The following PRKAR2A variants were observed in gnomAD, a reference collection of about 807,000 sequenced individuals.
PRKAR2A encodes cAMP-dependent protein kinase type II-alpha regulatory subunit.
A neutral mutation model predicts 51.9 loss-of-function variants in PRKAR2A; 29 were observed. The ratio of observed to expected loss-of-function variants is 0.56; its 90% CI spans 0.42 to 0.76. The LOEUF is 0.76. Ranked by LOEUF, PRKAR2A falls within the 30% of genes least tolerant of loss-of-function variation. The pLI, the probability that PRKAR2A is intolerant of heterozygous loss-of-function variation, is 0.00. For synonymous variants in PRKAR2A, 178 were observed against 186.2 expected, an observed-to-expected ratio of 0.96 and a Z score of 0.36; for missense variants, 445 against 512.1, an observed-to-expected ratio of 0.87 and a Z score of 1.26.
chr3:48,829,833 A>T (rs2083151714), intron 1 of PRKAR2A, among the ~76,000 whole-genome samples: 1 of 107,240 alleles, frequency 9.3e-6, no homozygotes, highest in Non-Finnish European at 1.9e-5. Flanking sequence ...ATACATACAT[A>T]TATATGCGTG....
At chr3:48,836,334 G>A (rs907484614) in intron 1 of PRKAR2A, among the ~76,000 whole-genome samples, 10 of 148,124 alleles carry the variant, frequency 6.8e-5, no homozygotes, top group African/African-American at 2.3e-4. Flanking sequence ...CAGGAGAATC[G>A]CCTGAACCCA....
At chr3:48,803,869 C>T (rs2082628437) in intron 2 of PRKAR2A, among the ~76,000 whole-genome samples, 1 of 152,096 alleles carries the variant, frequency 6.6e-6, no homozygotes, top group Admixed American at 6.6e-5. Context: ...TAGGCTAAAG[C>T]ATGAGAATCA....
chr3:48,806,522 A>C (rs1267718460), intron 2 of PRKAR2A, among the ~76,000 whole-genome samples: 2 of 152,060 alleles, frequency 1.3e-5, no homozygotes, highest in Non-Finnish European at 1.5e-5. Flanking sequence ...ATAAATATTT[A>C]CTGAGTGCCT....
chr3:48,840,728 C>T (rs2083365996), intron 1 of PRKAR2A, among the ~76,000 whole-genome samples: 1 of 149,448 alleles, frequency 6.7e-6, no homozygotes, highest in Admixed American at 6.7e-5. Flanking sequence ...AGGCACCCGC[C>T]ACCACGCCCG....
At chr3:48,825,600 C>T (rs960806652) in intron 1 of PRKAR2A, among the ~76,000 whole-genome samples, 3 of 151,954 alleles carry the variant, frequency 2.0e-5, no homozygotes, top group South Asian at 2.1e-4. Flanking sequence ...GCCAAGACTG[C>T]GCCACTGTGC....
At chr3:48,814,465 G>A (rs560119750) in intron 1 of PRKAR2A, among the ~76,000 whole-genome samples, 11 of 152,172 alleles carry the variant, frequency 7.2e-5, no homozygotes, top group Non-Finnish European at 1.5e-4. Flanking sequence ...AACGTTAACA[G>A]AGAAGGGTCA....
intron 1 of PRKAR2A, among the ~76,000 whole-genome samples, chr3:48,841,986 T>C (rs931813624): frequency 5.3e-5 from 8 of 152,172 alleles, no homozygotes; most frequent in African/African-American, 1.9e-4. Flanking sequence ...TGTCACTGAA[T>C]TATAAATTAC....
At chr3:48,764,840 G>GT (rs1244381461) in intron 8 of PRKAR2A, among the ~76,000 whole-genome samples, 164 bp downstream of exon 8, 1 of 152,160 alleles carries the variant, frequency 6.6e-6, no homozygotes, top group African/African-American at 2.4e-5. Flanking sequence ...GGCCAGGCTG[G>GT]TCTTGAACTC....
intron 1 of PRKAR2A, among the ~76,000 whole-genome samples, chr3:48,843,863 G>C (rs1256866386): frequency 3.3e-5 from 5 of 151,362 alleles, no homozygotes; most frequent in African/African-American, 1.2e-4. Flanking sequence ...TTAAACGTTA[G>C]ACCTAAAACC....
At position 48,751,591 on chromosome 3, in the gene PRKAR2A, C is replaced by G; in HGVS notation, c.1209G>C (p.Gly403=). Residue 403 remains glycine, a synonymous_variant, in exon 11 of 11, where the codon GGG becomes GGC. Transcript: ENST00000265563. ...GCTCTGGGGTGTGGCACACCTACTG[C>G]CCGAGGTTGCCCAGATCCACGCTGG... ...FGSSVDLGNL[G]Q is the part of the protein sequence containing the mutation. 1 of 1,611,546 alleles carries G rather than the reference C, an allele frequency of 6.2e-7. No homozygotes were observed.
In PRKAR2A at chr3:48,800,796, C is replaced by T. The variant is rs545099138; in HGVS notation, c.299-6747G>A. Among the ~76,000 whole-genome samples the T allele has an allele frequency of 1.1e-4, 16 of 152,146 alleles. 1 individual carries two copies. The East Asian group carries it at 1.8e-3, about 17-fold the overall frequency. ...TCACGCCATTCTCCTGCCTCAGCCT[C>T]CCGAGTAGCTGGACTACAGGCGCCC... is the stretch of plus-strand genomic sequence containing the variant. On this transcript the variant is annotated intron_variant, in intron 2 of 10. Coordinates refer to ENST00000265563, the MANE Select transcript of PRKAR2A (RefSeq NM_004157.4).
chr3:48,756,537 G>T, intron 8 of PRKAR2A, 93 bp from the exon 9 acceptor site: 2 of 916,652 alleles, frequency 2.2e-6, no homozygotes, highest in Non-Finnish European at 3.5e-6. Context: ...GCTCTGATTT[G>T]TATTTATTTT....
At chr3:48,799,659 G>A (rs1248639672) in intron 2 of PRKAR2A, among the ~76,000 whole-genome samples, 1 of 152,176 alleles carries the variant, frequency 6.6e-6, no homozygotes, top group African/African-American at 2.4e-5. Context: ...AAGAGCACCT[G>A]CAATGCAGAA....
rs551961640 is a variant in PRKAR2A, at chr3:48,787,307, T to C, written c.435+3237A>G. On this transcript the variant is annotated intron_variant, in intron 4 of 10. Coordinates refer to ENST00000265563, the MANE Select transcript of PRKAR2A (RefSeq NM_004157.4). ...TTCAAGCGATTCTTCTGCCTCAGCC[T>C]CTCAAGTAGCTGGGATTATAGGCAC... is the stretch of plus-strand genomic sequence containing the variant. Among the ~76,000 whole-genome samples, 363 of 152,202 alleles carry C rather than the reference T, an allele frequency of 2.4e-3. 3 individuals are homozygous for C. The highest frequency in any genetic ancestry group is 8.3e-3 in the African/African-American group (345 of 41,536).
rs1332278640 is a variant in PRKAR2A at position 48,796,548 on chromosome 3, G to T, written c.299-2499C>A. 2.0e-5 allele frequency among the ~76,000 whole-genome samples: 3 copies of T among 152,094 alleles called. No individual in the cohort carries two copies. The South Asian group carries it at 6.2e-4, about 32-fold the overall frequency. On this transcript the variant is annotated intron_variant, in intron 2 of 10. Transcript: ENST00000265563. ...TTCACGCTGTCACCCAGGCTGGAGTGCAGTGGTGTAATCTTGGCTCACTGC... is the reference window on the plus strand; with the variant it reads ...TTCACGCTGTCACCCAGGCTGGAGTTCAGTGGTGTAATCTTGGCTCACTGC...
At chr3:48,810,312 A>T (rs1447020404) in intron 1 of PRKAR2A, among the ~76,000 whole-genome samples, 1 of 152,050 alleles carries the variant, frequency 6.6e-6, no homozygotes, top group Non-Finnish European at 1.5e-5. Context: ...ATCTATGGGG[A>T]ATTGGTTCCG....
chr3:48,790,549 C>A lies in PRKAR2A; in HGVS notation c.430G>T (p.Asp144Tyr). The change falls in exon 4 of 11, where the codon GAT becomes TAT. Residue 144 changes from aspartate to tyrosine, a missense_variant. Transcript: ENST00000265563. The part of the protein sequence containing the change: ...CKDILLFKNL[D>Y]QEQLSQVLDA... ...ACTTTAGAAATCAATGTTACCTGAT[C>A]AAGATTTTTGAAAAGGAGAATATCT... 6.5e-7 allele frequency: 1 copy of A among 1,540,842 alleles called. No homozygotes were observed. Among genetic ancestry groups the A allele is most frequent in the African/African-American group, 1.4e-5 (1 of 71,596 alleles).
chr3:48,793,064 T>C (rs138383137), intron 3 of PRKAR2A, among the ~76,000 whole-genome samples: 313 of 151,738 alleles, frequency 2.1e-3, no homozygotes, highest in Admixed American at 3.9e-3. Context: ...CTGGGGTATA[T>C]CCTTCCAGAC....
intron 5 of PRKAR2A, among the ~76,000 whole-genome samples, chr3:48,778,718 C>T (rs1435550185): frequency 1.3e-5 from 2 of 151,826 alleles, no homozygotes; most frequent in African/African-American, 4.8e-5. Context: ...TGGGGTTTCA[C>T]CATGTTAGCC....
Sources: gnomAD v4.1 joint callset for allele counts (sites outside exome capture counted in the v4.1 genomes callset) on GRCh38, gnomAD v4.1.1 for gene constraint, MANE v1.5 for transcripts, NCBI Gene and HGNC (gene_info 2026-07-23, HGNC 2026-07-21) for gene names.